Variants in ANAPC7 observed in about 807,000 individuals in gnomAD.
ANAPC7 encodes anaphase promoting complex subunit 7.
A neutral mutation model predicts 63.3 loss-of-function variants in ANAPC7; 25 were observed. The ratio of observed to expected loss-of-function variants is 0.39; its 90% CI spans 0.29 to 0.55. ANAPC7 has a LOEUF of 0.55. ANAPC7 is among the 20% of genes least tolerant of loss of function. The pLI, the probability that ANAPC7 is intolerant of heterozygous loss-of-function variation, is 0.57. For synonymous variants in ANAPC7, 241 were observed against 251.7 expected (o/e 0.96, Z 0.40); for missense variants, 516 against 691.7 (o/e 0.75, Z 2.85).
At chr12:110,391,999 G>T (rs1036551233) in intron 3 of ANAPC7, among the ~76,000 whole-genome samples, 2 of 148,142 alleles carry the variant, frequency 1.4e-5, no homozygotes, top group South Asian at 4.2e-4. Flanking sequence ...GGCTGAGGTA[G>T]GGGAATCGCT....
In ANAPC7 at chr12:110,376,314, G is replaced by T. The variant is rs989872694; in HGVS notation, c.1358-98C>A. Reference sequence around the variant, plus strand: ...TGCAGACATCCTCAAGAGAACACTGGTGCAACACAAAGCGAGGGCAAGCAC... The same window carrying T: ...TGCAGACATCCTCAAGAGAACACTGTTGCAACACAAAGCGAGGGCAAGCAC... On this transcript the variant is annotated intron_variant, in intron 9 of 10. Transcript: ENST00000455511. 3 of 1,408,970 alleles carry T rather than the reference G, an allele frequency of 2.1e-6. No individual in the cohort carries two copies. In the African/African-American group the frequency reaches 4.3e-5, roughly 20 times the overall value. The allele number at this position is 1,408,970 out of a possible 1,614,324, so 87.3% of individuals were successfully genotyped here. A position where few individuals can be genotyped will look rare whatever the true frequency, so the allele number is the denominator to read the frequency against.
chr12:110,390,895 A>C (rs1168804123), intron 3 of ANAPC7, among the ~76,000 whole-genome samples: 3 of 152,170 alleles, frequency 2.0e-5, no homozygotes, highest in African/African-American at 7.2e-5. Context: ...ATACCTAATG[A>C]AAAAGTCAAT....
In ANAPC7 at chr12:110,375,991, A is replaced by C. The variant is rs1281612507; in HGVS notation, c.1508+75T>G. On this transcript the variant is annotated intron_variant, in intron 10 of 10. Coordinates refer to ENST00000455511, the MANE Select transcript of ANAPC7 (RefSeq NM_016238.3). ...GGACACAAAGTGTGTGTGTGTTTCC[A>C]TAACTCCTGTGACACAGCTCACTGC... 6.1e-6 allele frequency: 9 copies of C among 1,475,280 alleles called. No homozygotes were observed. In the South Asian group the frequency reaches 1.1e-4, roughly 18 times the overall value. The allele number at this position is 1,475,280 out of a possible 1,614,324, so 91.4% of individuals were successfully genotyped here. A position where few individuals can be genotyped will look rare whatever the true frequency, so the allele number is the denominator to read the frequency against.
At position 110,387,830 on chromosome 12, in the gene ANAPC7, T is replaced by C. The variant is rs1433044925; in HGVS notation, c.583A>G (p.Thr195Ala). ...VASMTMNVIQ[T>A]VPNLDWLSVW... ...GAGAGCCAGTCCAAGTTAGGCACGGTTTGGATCACATTCATTGTCATGGAT... is the reference window on the plus strand; with the variant it reads ...GAGAGCCAGTCCAAGTTAGGCACGGCTTGGATCACATTCATTGTCATGGAT... The change falls in exon 5 of 11, where the codon ACC becomes GCC. Residue 195 changes from threonine (T) to alanine (A), a missense_variant. Physicochemically the swap from Thr to Ala is moderately conservative, Grantham distance 58. Coordinates refer to ENST00000455511, the MANE Select transcript of ANAPC7 (RefSeq NM_016238.3). The C allele has an allele frequency of 6.2e-7, 1 of 1,614,140 alleles. No individual in the cohort carries two copies. Among genetic ancestry groups the C allele is most frequent in the Admixed American group, 1.7e-5 (1 of 60,000 alleles).
At chr12:110,394,747 G>T (rs1370100113) in intron 3 of ANAPC7, among the ~76,000 whole-genome samples, 1 of 151,412 alleles carries the variant, frequency 6.6e-6, no homozygotes, top group Non-Finnish European at 1.5e-5. Context: ...TTGGGAGGCT[G>T]AGGTGGGAGG....
At chr12:110,375,556 T>G in intron 10 of ANAPC7, 2 of 816,650 alleles carry the variant, frequency 2.4e-6, no homozygotes, top group Non-Finnish European at 3.0e-6. Context: ...AAATAATCAT[T>G]TAACCCTCAT....
chr12:110,388,503 T>C lies in ANAPC7; in HGVS notation c.520+9A>G, dbSNP rs911487498. On this transcript the variant is annotated intron_variant, in intron 4 of 10. Coordinates refer to ENST00000455511, the MANE Select transcript of ANAPC7 (RefSeq NM_016238.3). ...ACATGCCATGAAAACAGGCAGGAAATATCTCTACCTAGAATGGCATCAAGG... is the reference window on the plus strand; with the variant it reads ...ACATGCCATGAAAACAGGCAGGAAACATCTCTACCTAGAATGGCATCAAGG... 1.2e-6 allele frequency: 2 copies of C among 1,600,506 alleles called. No individual in the cohort carries two copies. Among genetic ancestry groups the C allele is most frequent in the Admixed American group, 1.7e-5 (1 of 59,758 alleles).
intron 9 of ANAPC7, 72 bp downstream of exon 9, chr12:110,377,321 C>T (rs911554755): frequency 3.7e-6 from 5 of 1,333,376 alleles, no homozygotes; most frequent in Non-Finnish European, 3.2e-6. Flanking sequence ...CTAGCTGGGA[C>T]AAGGGGCTCC....
chr12:110,374,360 G>A (rs376816346), intron 10 of ANAPC7, 27 bp from the exon 11 acceptor site: 4 of 1,605,028 alleles, frequency 2.5e-6, no homozygotes, highest in Non-Finnish European at 3.4e-6. Context: ...CAAAGGAGAG[G>A]CCTGAATCTC....
At chr12:110,387,367 C>CAGAGAGAGAGAGAGAG (rs1566269318) in intron 5 of ANAPC7, 1 of 14,546 alleles carries the variant, frequency 6.9e-5, no homozygotes, top group African/African-American at 3.9e-4. Context: ...GAGAGAGAGA[C>CAGAGAGAGAGAGAGAG]AGAGAGAGAG....
intron 9 of ANAPC7, 41 bp downstream of exon 9, chr12:110,377,352 A>C: frequency 6.4e-7 from 1 of 1,573,214 alleles, no homozygotes; most frequent in African/African-American, 1.4e-5. Flanking sequence ...AGGTTTTATA[A>C]AAATTAATGA....
intron 1 of ANAPC7, among the ~76,000 whole-genome samples, chr12:110,400,402 AAC>A (rs1188901701): frequency 2.6e-5 from 4 of 152,214 alleles, no homozygotes; most frequent in Non-Finnish European, 4.4e-5. Context: ...GTTTGAATTT[AAC>A]AGTGTCTATT....
rs190961315 is a variant in ANAPC7 at position 110,393,497 on chromosome 12, G to A, written c.408+1604C>T. Among the ~76,000 whole-genome samples, 91 of 152,204 alleles carry A rather than the reference G, an allele frequency of 6.0e-4. 1 individual carries two copies. The East Asian group carries it at 0.014, about 24-fold the overall frequency. On this transcript the variant is annotated intron_variant, in intron 3 of 10. Transcript: ENST00000455511. ...AATCCCAGCAATTTGGGAGGCTAAG[G>A]GGGGAGGACAACTTGAGCCCAGAAG...
chr12:110,374,102 C>A lies in ANAPC7; in HGVS notation c.*42G>T, dbSNP rs2137910003. ...GGTTCCTTCAGTCCACGGAAGTGCT[C>A]AGAGCAGGGCAGGCCACTGCGGCCA... On this transcript the variant is annotated 3_prime_UTR_variant, in exon 11 of 11. Transcript: ENST00000455511. 2 of 1,558,514 alleles carry A rather than the reference C, an allele frequency of 1.3e-6. No individual in the cohort carries two copies. The highest frequency in any genetic ancestry group is 3.6e-5 in the Admixed American group (2 of 54,866).
At chr12:110,399,374 C>T (rs1215400473) in intron 1 of ANAPC7, among the ~76,000 whole-genome samples, 1 of 150,536 alleles carries the variant, frequency 6.6e-6, no homozygotes, top group African/African-American at 2.4e-5. Context: ...CACAGTGGCT[C>T]ACACCTGTAA....
intron 3 of ANAPC7, among the ~76,000 whole-genome samples, chr12:110,390,338 T>A (rs1279639474): frequency 6.6e-6 from 1 of 152,078 alleles, no homozygotes; most frequent in Non-Finnish European, 1.5e-5. Flanking sequence ...CCTCCCAAAG[T>A]GCTGGGATTA....
At chr12:110,387,275 G>GAGAGAGAC (rs1566268789) in intron 5 of ANAPC7, 14 of 127,360 alleles carry the variant, frequency 1.1e-4, no homozygotes, top group African/African-American at 4.0e-4. Context: ...GAGAGAGAGA[G>GAGAGAGAC]AGAGAGAGAG....
At chr12:110,384,175 C>T (rs1882233077) in intron 6 of ANAPC7, among the ~76,000 whole-genome samples, 1 of 151,814 alleles carries the variant, frequency 6.6e-6, no homozygotes, top group Non-Finnish European at 1.5e-5. Flanking sequence ...GCACTCCAGC[C>T]TGGGCAACAG....
In ANAPC7 at chr12:110,373,436, T is replaced by C. The variant is rs1036668853; in HGVS notation, c.*708A>G. On this transcript the variant is annotated 3_prime_UTR_variant, in exon 11 of 11. Coordinates refer to ENST00000455511, the MANE Select transcript of ANAPC7 (RefSeq NM_016238.3). Reference sequence around the variant, plus strand: ...GCGAATAAGACAAAAATACTAAGAGTCTATTTTGAAAAGGGCTTCCATTCT... The same window carrying C: ...GCGAATAAGACAAAAATACTAAGAGCCTATTTTGAAAAGGGCTTCCATTCT... 2 of 151,742 alleles carry C rather than the reference T, an allele frequency of 1.3e-5. No homozygotes were observed. Among genetic ancestry groups the C allele is most frequent in the African/African-American group, 4.8e-5 (2 of 41,250 alleles). 9.4% of individuals were successfully genotyped at this position (151,742 alleles called of 1,614,324 possible).
Sources: gnomAD v4.1 joint callset for allele counts (sites outside exome capture counted in the v4.1 genomes callset) on GRCh38, gnomAD v4.1.1 for gene constraint, MANE v1.5 for transcripts, NCBI Gene and HGNC (gene_info 2026-07-23, HGNC 2026-07-21) for gene names.